The following BEST3 variants were observed in gnomAD, a reference collection of about 807,000 sequenced individuals.
The protein encoded by BEST3 is bestrophin 3, also known as bestrophin-3.
Under a neutral mutation model 47.1 loss-of-function variants are expected in BEST3, and 50 were observed. The ratio of observed to expected loss-of-function variants is 1.06; its 90% CI spans 0.85 to 1.34. The LOEUF is 1.34. Ranked by LOEUF, BEST3 falls within the 40% of genes most tolerant of loss-of-function variation. The probability of loss-of-function intolerance (pLI) is 0.00; values close to 1 mark genes in which losing one functional copy is unlikely to be tolerated. For missense variants in BEST3, 765 were observed against 817.0 expected (o/e 0.94, Z 0.78); for synonymous variants, 282 against 298.8 (o/e 0.94, Z 0.58).
At chr12:69,693,425 G>C (rs575711295) in intron 4 of BEST3, among the ~76,000 whole-genome samples, 9 of 151,456 alleles carry the variant, frequency 5.9e-5, no homozygotes, top group Non-Finnish European at 1.3e-4. Context: ...CACCACGCCC[G>C]GCTAATTTTT....
At position 69,655,693 on chromosome 12, in the gene BEST3, G is replaced by C; in HGVS notation, c.1221C>G (p.Ser407Arg). 1 of 1,613,952 alleles carries C rather than the reference G, an allele frequency of 6.2e-7. No homozygotes were observed. Among genetic ancestry groups the C allele is most frequent in the Non-Finnish European group, 8.5e-7 (1 of 1,179,984 alleles). ...GCCTCCTGTAGCTTCTTCTTCTGGG[G>C]CTGGAGGGGTGTTCGTGGGCACTCA... ...RFLSAHEHPSSPRRRSYRRQT... is the reference protein window; with the variant it reads ...RFLSAHEHPSRPRRRSYRRQT... The change falls in exon 10 of 10, where the codon AGC becomes AGG. Residue 407 changes from serine to arginine, a missense_variant. Physicochemically the swap from Ser to Arg is moderately radical, Grantham distance 110. Coordinates refer to ENST00000330891, the MANE Select transcript of BEST3 (RefSeq NM_032735.3).
At chr12:69,686,540 C>T (rs570700363) in intron 4 of BEST3, among the ~76,000 whole-genome samples, 49 of 151,794 alleles carry the variant, frequency 3.2e-4, no homozygotes, top group Non-Finnish European at 6.3e-4. Flanking sequence ...TTTGAGAGGC[C>T]GAGGTGGGAT....
chr12:69,680,606 C>G lies in BEST3; in HGVS notation c.482-1713G>C, dbSNP rs563031901. 1.8e-3 allele frequency among the ~76,000 whole-genome samples: 271 copies of G among 152,092 alleles called. 1 individual carries two copies. The highest frequency in any genetic ancestry group is 3.4e-3 in the Middle Eastern group (1 of 294). ...ACAGGCGTGAGCCACCGCCCCTAGC[C>G]GATCTTTTCTTTTTAAAAATTTTGA... is the stretch of plus-strand genomic sequence containing the variant. On this transcript the variant is annotated intron_variant, in intron 4 of 9. Transcript: ENST00000330891.
chr12:69,694,476 AT>A lies in BEST3; in HGVS notation c.153-13del, dbSNP rs773888087. ...CTGTAAGTAACAATCTGGAGCAAAA[AT>A]AAAATGCACAGCCCTTTATGATATT... On this transcript the variant is annotated splice_polypyrimidine_tract_variant and intron_variant, in intron 2 of 9. Transcript: ENST00000330891. The A allele has an allele frequency of 3.3e-6, 5 of 1,509,710 alleles. No individual in the cohort carries two copies. The African/African-American group carries it at 4.2e-5, about 13-fold the overall frequency. The allele number at this position is 1,509,710 out of a possible 1,614,324, so 93.5% of individuals were successfully genotyped here. A position where few individuals can be genotyped will look rare whatever the true frequency, so the allele number is the denominator to read the frequency against.
At chr12:69,692,922 C>A (rs1405435547) in intron 4 of BEST3, among the ~76,000 whole-genome samples, 1 of 152,078 alleles carries the variant, frequency 6.6e-6, no homozygotes, top group African/African-American at 2.4e-5. Flanking sequence ...GCCAGCAAGC[C>A]CAGCTAATTA....
intron 7 of BEST3, among the ~76,000 whole-genome samples, 193 bp from the exon 8 acceptor site, chr12:69,673,158 C>T (rs550676168): frequency 6.6e-6 from 1 of 152,210 alleles, no homozygotes; most frequent in South Asian, 2.1e-4. Flanking sequence ...AATGATGCAC[C>T]TTCGTAGGTA....
chr12:69,647,498 C>T (rs1041963836), intron 9 of BEST3, among the ~76,000 whole-genome samples: 3 of 152,152 alleles, frequency 2.0e-5, no homozygotes, highest in Non-Finnish European at 4.4e-5. Context: ...GACCCTCTTT[C>T]TCCCCTCTTT....
At chr12:69,680,916 C>T (rs1306674211) in intron 4 of BEST3, among the ~76,000 whole-genome samples, 7 of 147,520 alleles carry the variant, frequency 4.7e-5, no homozygotes, top group African/African-American at 1.7e-4. Context: ...CTTTTAATGG[C>T]TGCTCTCTAT....
At chr12:69,682,812 A>G (rs1885335258) in intron 4 of BEST3, among the ~76,000 whole-genome samples, 2 of 152,174 alleles carry the variant, frequency 1.3e-5, no homozygotes, top group African/African-American at 2.4e-5. Context: ...CCTGGGCTCA[A>G]GTGATCTGCC....
intron 4 of BEST3, chr12:69,684,569 T>G (rs1885447301): frequency 1.5e-6 from 1 of 681,958 alleles, no homozygotes; most frequent in Non-Finnish European, 2.8e-6. Flanking sequence ...GCTCTGCATC[T>G]CAAAACTTGA....
chr12:69,657,162 C>T (rs1883554438), intron 9 of BEST3, among the ~76,000 whole-genome samples: 1 of 151,022 alleles, frequency 6.6e-6, no homozygotes, highest in African/African-American at 2.4e-5. Context: ...GTGGTGTGAT[C>T]TCGGCTCACT....
rs1461016602 is a variant in BEST3 at position 69,676,943 on chromosome 12, T to C, written c.840A>G (p.Gln280=). 1 of 1,613,622 alleles carries C rather than the reference T, an allele frequency of 6.2e-7. No homozygotes were observed. Among genetic ancestry groups the C allele is most frequent in the African/African-American group, 1.3e-5 (1 of 74,850 alleles). ...DLYIPIFTLL[Q]FFFYAGWLKV... Reference sequence around the variant, plus strand: ...TAAGCCATCCTGCATAGAAGAAGAATTGTAGGAGGGTGAAGATGGGAATGT... The same window carrying C: ...TAAGCCATCCTGCATAGAAGAAGAACTGTAGGAGGGTGAAGATGGGAATGT... The change falls in exon 7 of 10, where the codon CAA becomes CAG. Residue 280 remains glutamine, a synonymous_variant. Coordinates refer to ENST00000330891, the MANE Select transcript of BEST3 (RefSeq NM_032735.3).
intron 9 of BEST3, chr12:69,670,109 A>G (rs1171258988): frequency 4.6e-6 from 1 of 217,846 alleles, no homozygotes; most frequent in African/African-American, 2.2e-5. Flanking sequence ...AATCAAACTC[A>G]CAGAAGAACA....
At position 69,655,753 on chromosome 12, in the gene BEST3, A is replaced by T. The variant is rs754587392; in HGVS notation, c.1161T>A (p.His387Gln). Residue 387 changes from histidine (H) to glutamine (Q), a missense_variant, in exon 10 of 10, where the codon CAT becomes CAA. Coordinates refer to ENST00000330891, the MANE Select transcript of BEST3 (RefSeq NM_032735.3). ...EWLWDYEKHGHRHSMIRRVKR... is the reference protein window; with the variant it reads ...EWLWDYEKHGQRHSMIRRVKR... The stretch of plus-strand genomic sequence containing the variant: ...TGACTCTTCTTATCATGGAATGCCG[A>T]TGGCCATGCTTCTCATAATCCCACA... The T allele has an allele frequency of 2.5e-6, 4 of 1,613,806 alleles. No homozygotes were observed. The highest frequency in any genetic ancestry group is 2.5e-6 in the Non-Finnish European group (3 of 1,179,906).
Position 69,654,916 on chromosome 12 carries a change from T to C in BEST3, c.1998A>G (p.Ser666=). ...IIELNKETEE[S]PK Reference sequence around the variant, plus strand: ...TAGAACTTGGTGGCACTCATTTGGGTGATTCCTCAGTTTCCTTGTTCAGCT... The same window carrying C: ...TAGAACTTGGTGGCACTCATTTGGGCGATTCCTCAGTTTCCTTGTTCAGCT... The change falls in exon 10 of 10, where the codon TCA becomes TCG. Residue 666 remains serine (S), a synonymous_variant. Coordinates refer to ENST00000330891, the MANE Select transcript of BEST3 (RefSeq NM_032735.3). The C allele has an allele frequency of 2.5e-6, 4 of 1,609,732 alleles. No homozygotes were observed. The highest frequency in any genetic ancestry group is 2.5e-6 in the Non-Finnish European group (3 of 1,177,120).
Position 69,654,223 on chromosome 12 carries a change from CAGATTA to C in BEST3, c.*678_*683del, listed in dbSNP as rs1883319330. The C allele has an allele frequency of 5.1e-6, 5 of 984,120 alleles. No individual in the cohort carries two copies. In the South Asian group the frequency reaches 2.4e-4, roughly 46 times the overall value. 61.0% of individuals were successfully genotyped at this position (984,120 alleles called of 1,614,324 possible). ...AAATATTATAACCTGAAAAATGGGA[CAGATTA>C]CTAGAAAAGCAGCACAACCAGGGAG... On this transcript the variant is annotated 3_prime_UTR_variant, in exon 10 of 10. Coordinates refer to ENST00000330891, the MANE Select transcript of BEST3 (RefSeq NM_032735.3).
At chr12:69,662,668 C>T (rs1184821574) in intron 9 of BEST3, among the ~76,000 whole-genome samples, 1 of 152,124 alleles carries the variant, frequency 6.6e-6, no homozygotes, top group Non-Finnish European at 1.5e-5. Flanking sequence ...ATTCCTCAAC[C>T]CCTAGCCAGA....
At chr12:69,652,906 G>C (rs1883254994), downstream of BEST3, among the ~76,000 whole-genome samples, 1 of 152,194 alleles carries the variant, frequency 6.6e-6, no homozygotes, top group Non-Finnish European at 1.5e-5. Flanking sequence ...TGATCCCATA[G>C]TCTATACGTA....
At chr12:69,670,440 C>T (rs1486584300) in intron 9 of BEST3, 1 of 702,530 alleles carries the variant, frequency 1.4e-6, no homozygotes, top group East Asian at 2.7e-5. Context: ...TACTGAAATT[C>T]CACTTTCAGT....
Sources: allele counts gnomAD v4.1 joint callset (sites outside exome capture counted in the v4.1 genomes callset), GRCh38; gene constraint gnomAD v4.1.1; transcripts MANE v1.5; gene names NCBI Gene and HGNC (gene_info 2026-07-23, HGNC 2026-07-21).